GLG1: variants seen among roughly 807,000 people sequenced by gnomAD.
The protein encoded by GLG1 is golgi glycoprotein 1, also known as Golgi apparatus protein 1.
A neutral mutation model predicts 160.5 loss-of-function variants in GLG1; 38 were observed. The observed-to-expected ratio is 0.24, with a 90% CI of 0.18 to 0.31. GLG1 has a LOEUF of 0.31. Ranked by LOEUF, GLG1 falls within the 10% of genes least tolerant of loss-of-function variation. The pLI is 1.00. For synonymous variants in GLG1, 644 were observed against 543.4 expected, an observed-to-expected ratio of 1.19 and a Z score of -2.57; for missense variants, 1,373 against 1,505.2, an observed-to-expected ratio of 0.91 and a Z score of 1.45.
At chr16:74,520,937 A>G (rs1010283432) in intron 2 of GLG1, among the ~76,000 whole-genome samples, 3 of 152,232 alleles carry the variant, frequency 2.0e-5, no homozygotes, top group Admixed American at 1.3e-4. Context: ...CAAGGAGTTT[A>G]CATTCTATGA....
chr16:74,468,932 C>T lies in GLG1; in HGVS notation c.2436+14G>A, dbSNP rs913157916. 2 of 1,487,986 alleles carry T rather than the reference C, an allele frequency of 1.3e-6. No homozygotes were observed. The highest frequency in any genetic ancestry group is 1.7e-5 in the Admixed American group (1 of 59,860). The allele number at this position is 1,487,986 out of a possible 1,614,324, so 92.2% of individuals were successfully genotyped here. A position where few individuals can be genotyped will look rare whatever the true frequency, so the allele number is the denominator to read the frequency against. The stretch of plus-strand genomic sequence containing the variant: ...CCACTGTGGTTTCTGGGAGCAGAGG[C>T]TGGGAGGCATTACCATCTCCAGCTC... On this transcript the variant is annotated intron_variant, in intron 17 of 25. Transcript: ENST00000422840.
chr16:74,452,331 G>C lies in GLG1; in HGVS notation c.*836C>G, dbSNP rs931770037. 3.1e-5 allele frequency: 43 copies of C among 1,392,128 alleles called. No individual in the cohort carries two copies. The highest frequency in any genetic ancestry group is 5.9e-5 in the Admixed American group (2 of 34,114). 86.2% of individuals were successfully genotyped at this position (1,392,128 alleles called of 1,614,324 possible). ...CTGCCCTGGAGGAGGAAGGTTCCTG[G>C]GATCCTGCTGCCCCGGGACTCAGGA... On this transcript the variant is annotated 3_prime_UTR_variant, in exon 26 of 26. Transcript: ENST00000422840.
At chr16:74,578,668 G>A (rs936912254) in intron 1 of GLG1, among the ~76,000 whole-genome samples, 1 of 152,168 alleles carries the variant, frequency 6.6e-6, no homozygotes, top group Non-Finnish European at 1.5e-5. Flanking sequence ...TTAAATCCAT[G>A]TGCCTGCCAG....
chr16:74,492,488 G>A (rs530794493), intron 7 of GLG1, among the ~76,000 whole-genome samples: 5 of 150,382 alleles, frequency 3.3e-5, no homozygotes, highest in Admixed American at 6.7e-5. Flanking sequence ...TTTGAGACCC[G>A]GGATGCCAAC....
chr16:74,498,657 G>C (rs2016299893), intron 4 of GLG1, among the ~76,000 whole-genome samples: 3 of 148,858 alleles, frequency 2.0e-5, no homozygotes, highest in African/African-American at 7.4e-5. Flanking sequence ...CTGAGGTCAG[G>C]AGTTCGAGAC....
intron 4 of GLG1, among the ~76,000 whole-genome samples, chr16:74,498,590 C>T (rs973022773): frequency 4.8e-5 from 7 of 146,528 alleles, no homozygotes; most frequent in African/African-American, 1.3e-4. Flanking sequence ...TCTGGCCAGG[C>T]GTGGTGGCTC....
Position 74,606,841 on chromosome 16 carries a change from G to C in GLG1, c.254C>G (p.Pro85Arg), listed in dbSNP as rs758076288. 1.3e-6 allele frequency: 2 copies of C among 1,599,244 alleles called. No homozygotes were observed. The stretch of plus-strand genomic sequence containing the variant: ...CGGGAAAGGCGGCTGCGGCGGCTGA[G>C]GCTGCTGTTGCTGTTGCTGCTGCTG... ...QQQQQQQQQQ[P>R]QPPQPPFPAG... The change falls in exon 1 of 26, where the codon CCT (proline) becomes CGT (arginine). Residue 85 changes from proline (P) to arginine (R), a missense_variant. Around this residue, in one of 4 missense-constraint regions of GLG1, gnomAD observed 322 missense variants for 254.6 expected, o/e 1.26. Transcript: ENST00000422840.
rs7978 is a variant in GLG1 at position 74,452,291 on chromosome 16, T to G, written c.*876A>C. 1 of 1,446,266 alleles carries G rather than the reference T, an allele frequency of 6.9e-7. No individual in the cohort carries two copies. Among genetic ancestry groups the G allele is most frequent in the Non-Finnish European group, 9.1e-7 (1 of 1,100,424 alleles). The allele number at this position is 1,446,266 out of a possible 1,614,324, so 89.6% of individuals were successfully genotyped here. A position where few individuals can be genotyped will look rare whatever the true frequency, so the allele number is the denominator to read the frequency against. ...AGCCTCAGCAGGGCCGGTCCAGACA[T>G]GGCTGAGTCCTGTGCTGCCCTGGAG... On this transcript the variant is annotated 3_prime_UTR_variant, in exon 26 of 26. Transcript: ENST00000422840.
At chr16:74,554,100 T>C (rs1473407253) in intron 1 of GLG1, among the ~76,000 whole-genome samples, 1 of 152,164 alleles carries the variant, frequency 6.6e-6, no homozygotes, top group African/African-American at 2.4e-5. Flanking sequence ...CAAAATATAG[T>C]CATCTATGGG....
At chr16:74,561,695 G>A (rs1597349042) in intron 1 of GLG1, among the ~76,000 whole-genome samples, 1 of 152,268 alleles carries the variant, frequency 6.6e-6, no homozygotes, top group Middle Eastern at 3.4e-3. Context: ...TTAATGAACA[G>A]TGCTATGCAC....
rs375137044 is a variant in GLG1 at position 74,479,403 on chromosome 16, T to C, written c.1827+838A>G. On this transcript the variant is annotated intron_variant, in intron 11 of 25. Coordinates refer to ENST00000422840, the MANE Select transcript of GLG1 (RefSeq NM_001145667.2). Reference sequence around the variant, plus strand: ...TATAGTGACCAGAAAGATGCCGGGATGTGGGAGCCCCCATGGTTAATGAGA... The same window carrying C: ...TATAGTGACCAGAAAGATGCCGGGACGTGGGAGCCCCCATGGTTAATGAGA... Among the ~76,000 whole-genome samples, 6 of 149,944 alleles carry C rather than the reference T, an allele frequency of 4.0e-5. 1 individual carries two copies. In the East Asian group the frequency reaches 7.8e-4, roughly 20 times the overall value.
chr16:74,546,892 T>C lies in GLG1; in HGVS notation c.439-14739A>G, dbSNP rs994738037. 1.2e-4 allele frequency among the ~76,000 whole-genome samples: 18 copies of C among 148,208 alleles called. 2 individuals carry two copies. Among genetic ancestry groups the C allele is most frequent in the African/African-American group, 7.5e-5 (3 of 40,244 alleles). On this transcript the variant is annotated intron_variant, in intron 1 of 25. Transcript: ENST00000422840. ...CTAGAAGTGGGTAACATGTGATAATTTGGACCCACCATTTTAATGAAGTTT... is the reference window on the plus strand; with the variant it reads ...CTAGAAGTGGGTAACATGTGATAATCTGGACCCACCATTTTAATGAAGTTT...
chr16:74,490,781 C>A (rs951316392), intron 8 of GLG1, among the ~76,000 whole-genome samples: 1 of 152,160 alleles, frequency 6.6e-6, no homozygotes, highest in African/African-American at 2.4e-5. Context: ...GAAGACAATT[C>A]TTTTTATTGA....
chr16:74,451,976 T>C lies in GLG1; in HGVS notation c.*1191A>G. The stretch of plus-strand genomic sequence containing the variant: ...ACAGAGCAAATCCTCCATCTTTTAA[T>C]GTGATAACTTTCCACACCCTCTCCA... On this transcript the variant is annotated 3_prime_UTR_variant, in exon 26 of 26. Coordinates refer to ENST00000422840, the MANE Select transcript of GLG1 (RefSeq NM_001145667.2). 9.9e-7 allele frequency: 1 copy of C among 1,010,648 alleles called. No homozygotes were observed. 62.6% of individuals were successfully genotyped at this position (1,010,648 alleles called of 1,614,324 possible).
Position 74,498,448 on chromosome 16 carries a change from G to GTATATATATATATATATATTATATATATA in GLG1, c.775-1805_775-1804insTATATATATAATATATATATATATATATA, listed in dbSNP as rs2016283684. ...GGCTCTGTCTCAAAAAAAAAAAAAA[G>GTATATATATATATATATATTATATATATA]TATATATATATATATATATTATATT... On this transcript the variant is annotated intron_variant, in intron 4 of 25. Transcript: ENST00000422840. 5.0e-4 allele frequency among the ~76,000 whole-genome samples: 12 copies of GTATATATATATATATATATTATATATATA among 24,054 alleles called. 1 individual carries two copies. The highest frequency in any genetic ancestry group is 1.8e-3 in the East Asian group (1 of 566). The allele number at this position is 24,054 out of a possible 152,430, so 15.8% of individuals were successfully genotyped here. A position where few individuals can be genotyped will look rare whatever the true frequency, so the allele number is the denominator to read the frequency against.
intron 9 of GLG1, among the ~76,000 whole-genome samples, chr16:74,483,494 T>G (rs888892869): frequency 1.3e-5 from 2 of 152,220 alleles, no homozygotes; most frequent in African/African-American, 4.8e-5. Flanking sequence ...TGCTGATATT[T>G]TAAAGCAAAA....
intron 6 of GLG1, among the ~76,000 whole-genome samples, chr16:74,494,403 C>CTTTT (rs3973383): frequency 8.6e-5 from 6 of 70,132 alleles, no homozygotes; most frequent in South Asian, 7.6e-4. Context: ...ATTGAGAAAG[C>CTTTT]TTTTTTTTTT....
At position 74,493,454 on chromosome 16, in the gene GLG1, C is replaced by T. The variant is rs556360964; in HGVS notation, c.1051-314G>A. Among the ~76,000 whole-genome samples the T allele has an allele frequency of 1.1e-3, 172 of 152,314 alleles. 1 individual carries two copies. Among genetic ancestry groups the T allele is most frequent in the African/African-American group, 4.1e-3 (169 of 41,574 alleles). On this transcript the variant is annotated intron_variant, in intron 6 of 25. Coordinates refer to ENST00000422840, the MANE Select transcript of GLG1 (RefSeq NM_001145667.2). ...TTAACTTGACACACAGCATTCTTTT[C>T]CACTTTAACAATACCCCGAACATAA...
rs201219351 is a variant in GLG1, at chr16:74,532,157, G to T, written c.439-4C>A. 67 of 1,296,340 alleles carry T rather than the reference G, an allele frequency of 5.2e-5. No individual in the cohort carries two copies. Among genetic ancestry groups the T allele is most frequent in the Middle Eastern group, 3.9e-4 (2 of 5,072 alleles). 80.3% of individuals were successfully genotyped at this position (1,296,340 alleles called of 1,614,324 possible). A position where few individuals can be genotyped will look rare whatever the true frequency, so the allele number is the denominator to read the frequency against. On this transcript the variant is annotated splice_polypyrimidine_tract_variant and splice_region_variant and intron_variant, in intron 1 of 25. Transcript: ENST00000422840. ...CTGAAGAAATTTCATTTTCAGGCTA[G>T]AAGAGAAAAAAAAGAAGAGATGATG...
Sources: allele counts gnomAD v4.1 joint callset (sites outside exome capture counted in the v4.1 genomes callset), GRCh38; gene constraint gnomAD v4.1.1; regional missense constraint gnomAD v4.1.1; transcripts MANE v1.5; gene names NCBI Gene and HGNC (gene_info 2026-07-23, HGNC 2026-07-21).